Variants in CFAP47 observed in about 807,000 individuals in gnomAD.
CFAP47 encodes the protein cilia- and flagella-associated protein 47.
CFAP47 carries 29 observed loss-of-function variants against 148.1 expected under a neutral mutation model. The ratio of observed to expected loss-of-function variants is 0.20; its 90% CI spans 0.15 to 0.27. The LOEUF is 0.27. CFAP47 is among the 10% of genes least tolerant of loss of function. CFAP47 has a pLI of 1.00. For missense variants in CFAP47, 1,872 were observed against 1,697.5 expected (o/e 1.10, Z -1.81); for synonymous variants, 664 against 577.3 (o/e 1.15, Z -2.15).
chrX:36,032,234 T>C (rs771500136), intron 23 of CFAP47, among the ~76,000 whole-genome samples: 1 of 110,387 alleles, frequency 9.1e-6, no homozygotes, highest in Admixed American at 9.7e-5. Flanking sequence ...ATTCAATCGA[T>C]GTAAGCAAAG....
At chrX:35,975,424 A>G (rs1936554856) in intron 14 of CFAP47, 61 bp downstream of exon 14, 2 of 776,087 alleles carry the variant, frequency 2.6e-6, no homozygotes, top group South Asian at 2.6e-5. Context: ...TAGAATATGT[A>G]TTTATTTTCC....
At chrX:36,021,228 T>C (rs971821409) in intron 22 of CFAP47, among the ~76,000 whole-genome samples, 1 of 111,825 alleles carries the variant, frequency 8.9e-6, no homozygotes, top group Non-Finnish European at 1.9e-5. Flanking sequence ...GATTGGATCA[T>C]CATTTAGTCT....
intron 33 of CFAP47, among the ~76,000 whole-genome samples, chrX:36,127,802 C>T (rs1938869740): frequency 9.0e-6 from 1 of 110,912 alleles, no homozygotes; most frequent in African/African-American, 3.3e-5. Context: ...TTGAAGAGGT[C>T]CTTCACATCC....
At chrX:36,233,758 G>T (rs1189348932) in intron 46 of CFAP47, among the ~76,000 whole-genome samples, 22 of 111,222 alleles carry the variant, frequency 2.0e-4, no homozygotes, top group African/African-American at 6.9e-4. Context: ...GGTACCGGTT[G>T]TTCCTTTCCA....
intron 45 of CFAP47, chrX:36,211,155 A>G (rs1940095607): frequency 7.6e-6 from 2 of 262,601 alleles, no homozygotes; most frequent in Non-Finnish European, 7.0e-6. Flanking sequence ...GCAAAATGTC[A>G]TCATATGCAT....
intron 37 of CFAP47, among the ~76,000 whole-genome samples, chrX:36,152,647 A>G (rs1418026038): frequency 8.9e-6 from 1 of 111,742 alleles, no homozygotes; most frequent in Non-Finnish European, 1.9e-5. Context: ...AGACAGCTCA[A>G]GTATGCCTGT....
intron 42 of CFAP47, among the ~76,000 whole-genome samples, chrX:36,194,990 T>C (rs1939904724): frequency 8.9e-6 from 1 of 112,579 alleles, no homozygotes; most frequent in Non-Finnish European, 1.9e-5. Flanking sequence ...AGAAGCTTAC[T>C]GAACATATGA....
At chrX:36,352,095 ACT>A (rs1172587405) in intron 59 of CFAP47, among the ~76,000 whole-genome samples, 2 of 110,926 alleles carry the variant, frequency 1.8e-5, no homozygotes, top group East Asian at 5.6e-4. Flanking sequence ...TTGGAAAAAC[ACT>A]CTACTATCTG....
chrX:36,349,957 A>G (rs1941729093), intron 58 of CFAP47, 81 bp from the exon 59 acceptor site: 1 of 573,519 alleles, frequency 1.7e-6, no homozygotes, highest in Non-Finnish European at 2.7e-6. Flanking sequence ...CTAAAATACC[A>G]TAAAGTTAAT....
rs1936552294 is a variant in CFAP47, at chrX:35,975,306, C to T, written c.2414C>T (p.Thr805Ile). The T allele has an allele frequency of 1.7e-6, 2 of 1,207,445 alleles. No individual in the cohort carries two copies. Reference protein sequence around the residue: ...TNQFSYVILPTSSTYISMVFD... With the variant: ...TNQFSYVILPISSTYISMVFD... Reference sequence around the variant, plus strand: ...CAATTTTCATACGTGATTCTACCTACATCCAGTACTTATATTTCAATGGTA... The same window carrying T: ...CAATTTTCATACGTGATTCTACCTATATCCAGTACTTATATTTCAATGGTA... The change falls in exon 14 of 64, where the codon ACA becomes ATA. Residue 805 changes from threonine (T) to isoleucine (I), a missense_variant. Physicochemically the swap from Thr to Ile is moderately conservative, Grantham distance 89. Coordinates refer to ENST00000378653, the MANE Select transcript of CFAP47 (RefSeq NM_001304548.2).
chrX:35,920,931 T>A (rs1336773376), intron 1 of CFAP47, among the ~76,000 whole-genome samples: 1 of 112,114 alleles, frequency 8.9e-6, no homozygotes, highest in African/African-American at 3.2e-5. Flanking sequence ...GAAAAACCTA[T>A]GTTAATGATT....
At chrX:36,280,697 T>C in intron 50 of CFAP47, 67 bp downstream of exon 50, 1 of 410,000 alleles carries the variant, frequency 2.4e-6, no homozygotes, top group South Asian at 4.7e-5. Flanking sequence ...CACTTTTGAA[T>C]GAAATAGATA....
At chrX:36,246,314 T>G (rs1379809674) in intron 48 of CFAP47, among the ~76,000 whole-genome samples, 1 of 111,734 alleles carries the variant, frequency 8.9e-6, no homozygotes, top group Non-Finnish European at 1.9e-5. Flanking sequence ...GAAAAAATGC[T>G]CATCATCACT....
At chrX:36,144,778 AT>A in intron 35 of CFAP47, 2 of 1,026,053 alleles carry the variant, frequency 1.9e-6, no homozygotes. Context: ...AGCAGGATGC[AT>A]TTTTTTCTCC....
chrX:35,942,333 C>T (rs756003397), intron 3 of CFAP47, among the ~76,000 whole-genome samples: 1 of 111,676 alleles, frequency 9.0e-6, no homozygotes, highest in Admixed American at 9.6e-5. Context: ...CAAAGGCAGT[C>T]TGTCAGTTTA....
At chrX:35,993,843 A>G (rs1295789495) in intron 18 of CFAP47, among the ~76,000 whole-genome samples, 1 of 111,883 alleles carries the variant, frequency 8.9e-6, no homozygotes, top group Admixed American at 9.5e-5. Flanking sequence ...CAATTTTGCA[A>G]TGCTAATTCT....
chrX:36,268,685 C>A (rs2146936105), intron 49 of CFAP47, among the ~76,000 whole-genome samples: 1 of 112,025 alleles, frequency 8.9e-6, no homozygotes, highest in Admixed American at 9.5e-5. Flanking sequence ...GTCTCTCTGT[C>A]TGTCTTGCTT....
At position 36,176,763 on chromosome X, in the gene CFAP47, C is replaced by T. The variant is rs144145652; in HGVS notation, c.6027-2582C>T. ...TACAAAAATTCAAAAAAATTAGCCG[C>T]GCATGGTGGCATGCACCTGTAATCC... On this transcript the variant is annotated intron_variant, in intron 39 of 63. Transcript: ENST00000378653. 5.6e-3 allele frequency among the ~76,000 whole-genome samples: 624 copies of T among 111,377 alleles called. 6 individuals are homozygous for T. Among genetic ancestry groups the T allele is most frequent in the African/African-American group, 0.019 (570 of 30,668 alleles).
intron 27 of CFAP47, among the ~76,000 whole-genome samples, chrX:36,068,293 T>C (rs1168568948): frequency 8.9e-6 from 1 of 112,232 alleles, no homozygotes; most frequent in Non-Finnish European, 1.9e-5. Flanking sequence ...TCATAGCCCT[T>C]ACTACATTTT....
Sources: allele counts gnomAD v4.1 joint callset (sites outside exome capture counted in the v4.1 genomes callset), GRCh38; gene constraint gnomAD v4.1.1; transcripts MANE v1.5; gene names NCBI Gene and HGNC (gene_info 2026-07-23, HGNC 2026-07-21).